Variants in NME8 observed in about 807,000 individuals in gnomAD.
NME8 encodes NME/NM23 family member 8.
In NME8, 72 loss-of-function variants were observed where a neutral mutation model predicts 82.3. That is an observed-to-expected ratio of 0.87 (90% CI 0.72 to 1.06). The LOEUF is 1.06. NME8 is among the 50% of genes least tolerant of loss of function. NME8 has a pLI of 0.00. For missense variants in NME8, 712 were observed against 685.4 expected (o/e 1.04, Z -0.43); for synonymous variants, 267 against 228.5 (o/e 1.17, Z -1.52).
chr7:37,890,166 G>A (rs1237708513), intron 15 of NME8, among the ~76,000 whole-genome samples: 2 of 151,574 alleles, frequency 1.3e-5, no homozygotes, highest in African/African-American at 4.8e-5. Context: ...TTTATTTTTA[G>A]CCTTTTTGAA....
Position 37,850,617 on chromosome 7 carries a change from A to G in NME8, c.92-12A>G, listed in dbSNP as rs746723740. The G allele has an allele frequency of 1.9e-6, 3 of 1,584,352 alleles. No individual in the cohort carries two copies. The highest frequency in any genetic ancestry group is 2.6e-6 in the Non-Finnish European group (3 of 1,152,962). On this transcript the variant is annotated splice_polypyrimidine_tract_variant and intron_variant, in intron 4 of 17. Coordinates refer to ENST00000199447, the MANE Select transcript of NME8 (RefSeq NM_016616.5). ...TAGACTTTGTTATTTCATAAATATC[A>G]TCATCTTCTAGTGATTGATGTTTAC...
rs1180093750 is a variant in NME8, at chr7:37,862,080, A to C, written c.323A>C (p.Lys108Thr). Residue 108 changes from lysine to threonine, a missense_variant, in exon 7 of 18, where the codon AAA becomes ACA. By Grantham distance (78) the Lys-to-Thr change is moderately conservative. Transcript: ENST00000199447. ...IQGANAPLVN[K>T]KVINLIDEER... ...GGTGCAAATGCACCGCTTGTTAATA[A>C]AAAAGTTATTAATTTGATCGATGAG... is the stretch of plus-strand genomic sequence containing the variant. 3.1e-6 allele frequency: 5 copies of C among 1,613,868 alleles called. No individual in the cohort carries two copies. The Admixed American group carries it at 8.3e-5, about 27-fold the overall frequency.
Position 37,850,262 on chromosome 7 carries a change from G to C in NME8, c.-5G>C, listed in dbSNP as rs200067292. ...TTTCTTTCTTTTTCCTATGATAGTAGATAAATGGCAAGCAAAAAACGAGAA... is the reference window on the plus strand; with the variant it reads ...TTTCTTTCTTTTTCCTATGATAGTACATAAATGGCAAGCAAAAAACGAGAA... On this transcript the variant is annotated splice_region_variant and 5_prime_UTR_variant, in exon 3 of 18. Coordinates refer to ENST00000199447, the MANE Select transcript of NME8 (RefSeq NM_016616.5). The C allele has an allele frequency of 3.1e-6, 5 of 1,613,602 alleles. No individual in the cohort carries two copies. The African/African-American group carries it at 6.7e-5, about 22-fold the overall frequency.
chr7:37,897,410 C>T (rs1363780305), intron 17 of NME8, among the ~76,000 whole-genome samples: 1 of 152,144 alleles, frequency 6.6e-6, no homozygotes, highest in African/African-American at 2.4e-5. Flanking sequence ...TGGTCTTGAG[C>T]TGTGGTGTCT....
At position 37,862,159 on chromosome 7, in the gene NME8, T is replaced by C. The variant is rs1251639812; in HGVS notation, c.387+15T>C. 2.6e-6 allele frequency: 4 copies of C among 1,514,390 alleles called. No homozygotes were observed. The allele number at this position is 1,514,390 out of a possible 1,614,324, so 93.8% of individuals were successfully genotyped here. A position where few individuals can be genotyped will look rare whatever the true frequency, so the allele number is the denominator to read the frequency against. On this transcript the variant is annotated intron_variant, in intron 7 of 17. Transcript: ENST00000199447. ...CTCGACCTCAGGTAATACTTTGGAT[T>C]AACAACAGTTTGAAGACAAGCTTAT...
At chr7:37,859,749 T>A (rs780228407) in intron 6 of NME8, among the ~76,000 whole-genome samples, 1 of 152,164 alleles carries the variant, frequency 6.6e-6, no homozygotes, top group Non-Finnish European at 1.5e-5. Context: ...TTGAGGACTT[T>A]AGTATCCACA....
intron 8 of NME8, 120 bp from the exon 9 acceptor site, chr7:37,864,228 T>A: frequency 1.6e-6 from 2 of 1,234,016 alleles, no homozygotes; most frequent in Non-Finnish European, 2.3e-6. Context: ...GATACACAGC[T>A]ATCAATGGGC....
chr7:37,851,711 C>T (rs1308543230), intron 5 of NME8, among the ~76,000 whole-genome samples: 1 of 151,846 alleles, frequency 6.6e-6, no homozygotes, highest in Non-Finnish European at 1.5e-5. Context: ...ATATGTGTGG[C>T]TTATATAATA....
intron 6 of NME8, among the ~76,000 whole-genome samples, chr7:37,859,819 T>G (rs1323777559): frequency 6.6e-6 from 1 of 152,182 alleles, no homozygotes; most frequent in Non-Finnish European, 1.5e-5. Flanking sequence ...GCTAATAAAC[T>G]TTTCTTCCAA....
At chr7:37,875,356 G>C (rs2131958528) in intron 11 of NME8, among the ~76,000 whole-genome samples, 1 of 151,992 alleles carries the variant, frequency 6.6e-6, no homozygotes, top group East Asian at 1.9e-4. Flanking sequence ...ATTTAGAGGT[G>C]ATTGGTTAAA....
At position 37,865,525 on chromosome 7, in the gene NME8, A is replaced by G. The variant is rs372584831; in HGVS notation, c.529A>G (p.Ile177Val). ...ATTTGACCTTACTCTCTAATTGAAG[A>G]TTACCAAAGCTGGATTTATTATAGA... is the stretch of plus-strand genomic sequence containing the variant. Reference protein sequence around the residue: ...SKKVLEIKRKITKAGFIIEAE... With the variant: ...SKKVLEIKRKVTKAGFIIEAE... Residue 177 changes from isoleucine to valine, a missense_variant and splice_region_variant, in exon 10 of 18, where the codon ATT (isoleucine) becomes GTT (valine). Transcript: ENST00000199447. The G allele has an allele frequency of 1.9e-6, 3 of 1,608,214 alleles. No individual in the cohort carries two copies. In the African/African-American group the frequency reaches 4.0e-5, roughly 21 times the overall value.
chr7:37,869,659 T>C (rs1784740149), intron 11 of NME8, among the ~76,000 whole-genome samples: 1 of 152,064 alleles, frequency 6.6e-6, no homozygotes, highest in Non-Finnish European at 1.5e-5. Context: ...TGAAATGAAA[T>C]GTGTACACCT....
intron 6 of NME8, among the ~76,000 whole-genome samples, chr7:37,858,290 G>T (rs1784542642): frequency 6.6e-6 from 1 of 152,064 alleles, no homozygotes; most frequent in East Asian, 1.9e-4. Flanking sequence ...ACACATCTTG[G>T]ATATAACTTT....
intron 12 of NME8, among the ~76,000 whole-genome samples, chr7:37,879,213 A>G (rs1416896740): frequency 6.6e-6 from 1 of 151,816 alleles, no homozygotes; most frequent in Non-Finnish European, 1.5e-5. Flanking sequence ...CAATGGGGTG[A>G]CCTCAGATCC....
intron 2 of NME8, 25 bp from the exon 3 acceptor site, chr7:37,850,235 T>C: frequency 6.7e-7 from 1 of 1,499,288 alleles, no homozygotes; most frequent in Non-Finnish European, 9.2e-7. Flanking sequence ...TACTTAAAAA[T>C]TTTTCTTTCT....
In NME8 at chr7:37,884,322, TA is replaced by T; in HGVS notation, c.1017del (p.Asp340MetfsTer12). The stretch of plus-strand genomic sequence containing the variant: ...ATTTAGATGATGTTTTGCGTATTAT[TA>T]AAGATGAAGACTTCAAAATACTGGA... The part of the protein sequence containing the change: ...ERKDDVLRII[K>X]DEDFKILEQR... On this transcript the variant is annotated frameshift_variant, in exon 13 of 18. Transcript: ENST00000199447. LOFTEE classifies it high-confidence loss of function. The T allele has an allele frequency of 6.3e-7, 1 of 1,590,798 alleles. No homozygotes were observed. The highest frequency in any genetic ancestry group is 8.6e-7 in the Non-Finnish European group (1 of 1,158,910).
intron 13 of NME8, 90 bp downstream of exon 13, chr7:37,884,537 C>T: frequency 1.8e-6 from 2 of 1,090,964 alleles, no homozygotes; most frequent in Non-Finnish European, 1.4e-6. Flanking sequence ...AGCTGCCAAA[C>T]TCCTCAAGTC....
At chr7:37,853,042 C>T (rs981001395) in intron 5 of NME8, among the ~76,000 whole-genome samples, 3 of 152,098 alleles carry the variant, frequency 2.0e-5, no homozygotes, top group Admixed American at 6.6e-5. Context: ...AGTGGAATCA[C>T]TTTGTAGTTT....
At chr7:37,860,221 C>A (rs1398800706) in intron 6 of NME8, among the ~76,000 whole-genome samples, 1 of 152,126 alleles carries the variant, frequency 6.6e-6, no homozygotes, top group Non-Finnish European at 1.5e-5. Context: ...GATAGCATAT[C>A]CCTCTCTAGC....
Sources: allele counts gnomAD v4.1 joint callset (sites outside exome capture counted in the v4.1 genomes callset), GRCh38; gene constraint gnomAD v4.1.1; transcripts MANE v1.5; gene names NCBI Gene and HGNC (gene_info 2026-07-23, HGNC 2026-07-21).